Variants in PTPN9 observed in about 807,000 individuals in gnomAD.
The protein encoded by PTPN9 is tyrosine-protein phosphatase non-receptor type 9.
In PTPN9, 26 loss-of-function variants were observed where a neutral mutation model predicts 69.8. The observed-to-expected ratio is 0.37, with a 90% CI of 0.27 to 0.52. PTPN9 has a LOEUF of 0.52. Among genes scored for constraint, PTPN9 ranks in the 20% least tolerant of loss-of-function variants. The probability of loss-of-function intolerance (pLI) is 0.91; values close to 1 mark genes in which losing one functional copy is unlikely to be tolerated. For synonymous variants in PTPN9, 274 were observed against 272.5 expected (o/e 1.01, Z -0.05); for missense variants, 549 against 740.3 (o/e 0.74, Z 3.00).
At chr15:75,479,087 T>C (rs904427992) in intron 9 of PTPN9, among the ~76,000 whole-genome samples, 11 of 152,182 alleles carry the variant, frequency 7.2e-5, no homozygotes, top group Admixed American at 7.2e-4. Context: ...AGCGGGCAGA[T>C]CACGAGGTCA....
chr15:75,523,348 G>T, intron 3 of PTPN9, 103 bp from the exon 4 acceptor site: 7 of 1,280,852 alleles, frequency 5.5e-6, no homozygotes, highest in Non-Finnish European at 1.1e-6. Flanking sequence ...GTAGAAAACA[G>T]ATGCTAACAA....
At chr15:75,526,543 G>A (rs1005151912) in intron 2 of PTPN9, among the ~76,000 whole-genome samples, 1 of 151,840 alleles carries the variant, frequency 6.6e-6, no homozygotes, top group Non-Finnish European at 1.5e-5. Context: ...TACTAACTGA[G>A]AAAGCAAACA....
intron 1 of PTPN9, among the ~76,000 whole-genome samples, chr15:75,576,075 C>A (rs2075171724): frequency 1.3e-5 from 2 of 150,562 alleles, no homozygotes; most frequent in Non-Finnish European, 2.9e-5. Context: ...AGTAAAAATA[C>A]AAAACTTAGC....
intron 5 of PTPN9, 82 bp from the exon 6 acceptor site, chr15:75,509,109 C>G (rs1429617911): frequency 1.9e-6 from 2 of 1,080,622 alleles, no homozygotes; most frequent in East Asian, 4.9e-5. Context: ...TGCTCTTCTC[C>G]CCATTCTTAC....
chr15:75,541,937 T>TGAGGCA (rs924647056), intron 1 of PTPN9, among the ~76,000 whole-genome samples: 4 of 151,622 alleles, frequency 2.6e-5, no homozygotes, highest in African/African-American at 9.7e-5. Flanking sequence ...ACTCAGAGGC[T>TGAGGCA]GAGGCAGAAG....
intron 7 of PTPN9, among the ~76,000 whole-genome samples, chr15:75,492,188 A>C (rs181241255): frequency 6.6e-6 from 1 of 152,306 alleles, no homozygotes; most frequent in Admixed American, 6.5e-5. Flanking sequence ...TGCCAGTTTA[A>C]CATGGTAGGT....
chr15:75,563,589 T>C (rs1043581332), intron 1 of PTPN9, among the ~76,000 whole-genome samples: 21 of 152,202 alleles, frequency 1.4e-4, no homozygotes, highest in Non-Finnish European at 2.6e-4. Context: ...TCGGTAGTAT[T>C]CCATGGTTGG....
At position 75,505,769 on chromosome 15, in the gene PTPN9, C is replaced by A. The variant is rs996540030; in HGVS notation, c.874G>T (p.Val292Leu). 4.3e-6 allele frequency: 7 copies of A among 1,614,020 alleles called. No homozygotes were observed. Among genetic ancestry groups the A allele is most frequent in the Admixed American group, 3.3e-5 (2 of 59,966 alleles). ...TTTTGCCTGGCATTAACATAGTCCA[C>A]CAACTCTTGGATGGTCATAGCATGG... ...GPHAMTIQEL[V>L]DYVNARQKQG... Residue 292 changes from valine to leucine, a missense_variant, in exon 7 of 13, where the codon GTG becomes TTG. By Grantham distance (32) the Val-to-Leu change is conservative. This residue lies in a region of PTPN9 where 457 missense variants were observed against 661.9 expected (regional missense o/e 0.69). Coordinates refer to ENST00000618819, the MANE Select transcript of PTPN9 (RefSeq NM_002833.4).
chr15:75,539,595 C>G (rs1043879161), intron 1 of PTPN9, among the ~76,000 whole-genome samples: 1 of 151,822 alleles, frequency 6.6e-6, no homozygotes, highest in Admixed American at 6.6e-5. Context: ...CATGAGCCAC[C>G]GCGCCCAGCC....
At chr15:75,570,667 C>A (rs997306787) in intron 1 of PTPN9, among the ~76,000 whole-genome samples, 1 of 151,452 alleles carries the variant, frequency 6.6e-6, no homozygotes, top group African/African-American at 2.4e-5. Flanking sequence ...ACCCGGGAGG[C>A]GAGGTGGAAG....
At chr15:75,513,462 C>A in intron 5 of PTPN9, 1 of 452,246 alleles carries the variant, frequency 2.2e-6, no homozygotes, top group Non-Finnish European at 4.4e-6. Context: ...AGTGACATGT[C>A]AGATTGAGAA....
At chr15:75,507,392 G>A (rs1306704789) in intron 6 of PTPN9, among the ~76,000 whole-genome samples, 3 of 144,620 alleles carry the variant, frequency 2.1e-5, no homozygotes, top group South Asian at 4.4e-4. Flanking sequence ...GTTGCAGTGA[G>A]CCAAGATCAT....
chr15:75,578,309 CTG>C (rs1464962482), intron 1 of PTPN9, among the ~76,000 whole-genome samples: 3 of 152,242 alleles, frequency 2.0e-5, no homozygotes, highest in Non-Finnish European at 2.9e-5. Flanking sequence ...ACCCCCCAAA[CTG>C]GGGCTTTTCC....
chr15:75,494,977 T>C (rs1244582198), intron 7 of PTPN9, among the ~76,000 whole-genome samples: 1 of 152,016 alleles, frequency 6.6e-6, no homozygotes, highest in African/African-American at 2.4e-5. Context: ...TGAGCTGAGA[T>C]TGTGCCACTG....
intron 8 of PTPN9, among the ~76,000 whole-genome samples, chr15:75,484,116 TTCAG>T (rs748667363): frequency 3.3e-5 from 5 of 152,216 alleles, no homozygotes; most frequent in Non-Finnish European, 5.9e-5. Context: ...TCCCCCTTCA[TTCAG>T]TCTCCTAATG....
At chr15:75,504,062 C>G (rs2074796123) in intron 7 of PTPN9, among the ~76,000 whole-genome samples, 1 of 123,794 alleles carries the variant, frequency 8.1e-6, no homozygotes, top group African/African-American at 3.1e-5. Context: ...CCAGCCGACC[C>G]GTCCGGGAGG....
At chr15:75,548,984 G>A (rs761083302) in intron 1 of PTPN9, among the ~76,000 whole-genome samples, 8 of 146,746 alleles carry the variant, frequency 5.5e-5, no homozygotes, top group African/African-American at 7.6e-5. Context: ...ATAGAAACAG[G>A]GTCTCCCTCT....
At chr15:75,578,495 C>G (rs2075183908) in intron 1 of PTPN9, among the ~76,000 whole-genome samples, 1 of 152,130 alleles carries the variant, frequency 6.6e-6, no homozygotes, top group African/African-American at 2.4e-5. Flanking sequence ...TAAGCCTCGG[C>G]GAAAGAAGCG....
intron 1 of PTPN9, among the ~76,000 whole-genome samples, chr15:75,568,313 C>T (rs1418791645): frequency 1.3e-5 from 2 of 150,918 alleles, no homozygotes; most frequent in Non-Finnish European, 2.9e-5. Context: ...GGCAACAGAA[C>T]GAGACCCTGT....
Sources: gnomAD v4.1 joint callset for allele counts (sites outside exome capture counted in the v4.1 genomes callset) on GRCh38, gnomAD v4.1.1 for gene constraint, gnomAD v4.1.1 regional missense constraint, MANE v1.5 for transcripts, NCBI Gene and HGNC (gene_info 2026-07-23, HGNC 2026-07-21) for gene names.